The following GARIN1B variants were observed in gnomAD, a reference collection of about 807,000 sequenced individuals.
The protein encoded by GARIN1B is Golgi-associated RAB2 interactor protein 1B.
At chr7:128,715,554 G>A in the GARIN1B span, 21 of 1,614,128 alleles carry the variant, frequency 1.3e-5, no homozygotes, top group Non-Finnish European at 1.7e-5. Flanking sequence ...GAATTCAGGG[G>A]CCTCTTGCCT....
At chr7:128,729,280 G>A in the GARIN1B span, among the ~76,000 whole-genome samples, 1 of 152,194 alleles carries the variant, frequency 6.6e-6, no homozygotes, top group Non-Finnish European at 1.5e-5. Flanking sequence ...AACAGCACCT[G>A]TGTGGCTGAA....
the GARIN1B span, chr7:128,718,875 A>G: frequency 6.2e-7 from 1 of 1,614,174 alleles, no homozygotes; most frequent in Non-Finnish European, 8.5e-7. Context: ...TGTGACCACT[A>G]TCAACGCATC....
chr7:128,726,958 G>A, the GARIN1B span: 1 of 1,215,704 alleles, frequency 8.2e-7, no homozygotes, highest in Non-Finnish European at 1.2e-6. Context: ...CATCCTGGTT[G>A]TCCTGGTGCT....
chr7:128,709,750 C>CTTTTTTTTTTTTTTTTTTTTTTTTTTTTT, the GARIN1B span, among the ~76,000 whole-genome samples: 1 of 114,618 alleles, frequency 8.7e-6, no homozygotes. Context: ...CTCTCTCTCT[C>CTTTTTTTTTTTTTTTTTTTTTTTTTTTTT]TTTTTTTTTT....
the GARIN1B span, among the ~76,000 whole-genome samples, chr7:128,727,488 A>G: frequency 1.3e-5 from 2 of 152,162 alleles, no homozygotes; most frequent in Non-Finnish European, 2.9e-5. Flanking sequence ...GCATTCTAGG[A>G]AGAAGAGACA....
chr7:128,715,080 G>T, the GARIN1B span: 1 of 169,370 alleles, frequency 5.9e-6, no homozygotes, highest in Non-Finnish European at 1.2e-5. Context: ...AGTAAGGAAG[G>T]GTTGAAAGGC....
chr7:128,729,764 G>T, the GARIN1B span: 1 of 872,526 alleles, frequency 1.1e-6, no homozygotes, highest in Admixed American at 2.2e-5. Flanking sequence ...CAGAGGTGAG[G>T]ATTAAAGGAC....
the GARIN1B span, among the ~76,000 whole-genome samples, chr7:128,728,231 T>C: frequency 6.6e-6 from 1 of 151,924 alleles, no homozygotes; most frequent in African/African-American, 2.4e-5. Flanking sequence ...ATCACGAGGT[T>C]AGGAGTTCGA....
chr7:128,709,747 TCTC>T, the GARIN1B span, among the ~76,000 whole-genome samples: 18 of 20,176 alleles, frequency 8.9e-4, no homozygotes, highest in Admixed American at 9.8e-3. Context: ...TCTCTCTCTC[TCTC>T]TTTTTTTTTT....
At chr7:128,726,796 C>T in the GARIN1B span, 59 of 1,612,564 alleles carry the variant, frequency 3.7e-5, no homozygotes, top group Middle Eastern at 1.6e-4. Context: ...TTACTTTCAA[C>T]TTTCATTTCC....
chr7:128,723,408 T>C, the GARIN1B span: 1 of 1,515,334 alleles, frequency 6.6e-7, no homozygotes, highest in African/African-American at 1.4e-5. Flanking sequence ...AATAGCTTGG[T>C]TAATGAGCGC....
the GARIN1B span, among the ~76,000 whole-genome samples, chr7:128,717,833 T>C: frequency 6.6e-6 from 1 of 151,856 alleles, no homozygotes; most frequent in Non-Finnish European, 1.5e-5. Context: ...ACATCATGCT[T>C]GTCTGGGACG....
chr7:128,711,634 G>A, the GARIN1B span, among the ~76,000 whole-genome samples: 1 of 149,144 alleles, frequency 6.7e-6, no homozygotes, highest in East Asian at 2.0e-4. Flanking sequence ...AATATTTAAA[G>A]TATGATCTCA....
the GARIN1B span, among the ~76,000 whole-genome samples, chr7:128,719,677 G>GT: frequency 7.6e-6 from 1 of 131,582 alleles, no homozygotes; most frequent in Non-Finnish European, 1.7e-5. Context: ...AGTATTTGTA[G>GT]TTTTTTTTGT....
At chr7:128,714,733 C>G in the GARIN1B span, among the ~76,000 whole-genome samples, 1 of 152,126 alleles carries the variant, frequency 6.6e-6, no homozygotes, top group African/African-American at 2.4e-5. Context: ...GTGAGGGATG[C>G]TGTCACTCTC....
the GARIN1B span, chr7:128,715,235 C>T: frequency 2.3e-4 from 223 of 985,268 alleles, 1 homozygote; most frequent in South Asian, 3.9e-3. Flanking sequence ...TGTCCAGGCA[C>T]GGATAAGGCA....
the GARIN1B span, chr7:128,716,933 T>G: frequency 6.2e-7 from 1 of 1,613,970 alleles, no homozygotes; most frequent in East Asian, 2.2e-5. Context: ...CAGTGTCAAA[T>G]GGCACCAGGG....
chr7:128,719,190 T>C, the GARIN1B span: 1 of 1,094,274 alleles, frequency 9.1e-7, no homozygotes, highest in Admixed American at 2.3e-5. Context: ...GTGTGAGGCC[T>C]TTTCTAAACA....
At chr7:128,722,602 G>A in the GARIN1B span, among the ~76,000 whole-genome samples, 541 of 152,192 alleles carry the variant, frequency 3.6e-3, 2 homozygotes, top group Non-Finnish European at 4.5e-3. Flanking sequence ...TCAGGAGATC[G>A]AGACCAGCCT....
Sources: allele counts gnomAD v4.1 joint callset (sites outside exome capture counted in the v4.1 genomes callset), GRCh38; gene constraint gnomAD v4.1.1; transcripts MANE v1.5; gene names NCBI Gene and HGNC (gene_info 2026-07-23, HGNC 2026-07-21).